Variants in ST6GALNAC3 observed in about 807,000 individuals in gnomAD.
ST6GALNAC3 encodes alpha-N-acetylgalactosaminide alpha-2,6-sialyltransferase 3.
A neutral mutation model predicts 32.7 loss-of-function variants in ST6GALNAC3; 25 were observed. That is an observed-to-expected ratio of 0.76 (90% CI 0.56 to 1.07). ST6GALNAC3 has a LOEUF of 1.07. Among genes scored for constraint, ST6GALNAC3 ranks in the 50% least tolerant of loss-of-function variants. The pLI, the probability that ST6GALNAC3 is intolerant of heterozygous loss-of-function variation, is 0.00. For missense variants in ST6GALNAC3, 355 were observed against 382.4 expected (o/e 0.93, Z 0.60); for synonymous variants, 129 against 133.1 (o/e 0.97, Z 0.21).
chr1:76,254,771 C>A (rs745434166), intron 1 of ST6GALNAC3, among the ~76,000 whole-genome samples: 1 of 152,008 alleles, frequency 6.6e-6, no homozygotes, highest in Admixed American at 6.6e-5. Flanking sequence ...GCTTACAGAT[C>A]TAATTGGCTT....
At chr1:76,147,238 T>C (rs961492190) in intron 1 of ST6GALNAC3, among the ~76,000 whole-genome samples, 1 of 151,938 alleles carries the variant, frequency 6.6e-6, no homozygotes, top group Non-Finnish European at 1.5e-5. Context: ...AATTTTTGTA[T>C]TTTTAGTAGA....
At chr1:76,515,268 T>C (rs1391193639) in intron 3 of ST6GALNAC3, among the ~76,000 whole-genome samples, 3 of 152,200 alleles carry the variant, frequency 2.0e-5, no homozygotes, top group Admixed American at 1.3e-4. Context: ...TTCTGTGATG[T>C]CAGTTGTAGT....
chr1:76,135,668 G>A (rs961116900), intron 1 of ST6GALNAC3, among the ~76,000 whole-genome samples: 1 of 152,144 alleles, frequency 6.6e-6, no homozygotes, highest in Admixed American at 6.5e-5. Flanking sequence ...GACGCAAATC[G>A]AACATCAGGT....
intron 3 of ST6GALNAC3, among the ~76,000 whole-genome samples, chr1:76,508,506 A>G (rs1341187065): frequency 6.6e-6 from 1 of 152,128 alleles, no homozygotes; most frequent in Admixed American, 6.5e-5. Context: ...TCTGCACAGA[A>G]AGACCTAGGA....
chr1:76,575,974 C>T (rs893600288), intron 3 of ST6GALNAC3, among the ~76,000 whole-genome samples: 14 of 151,890 alleles, frequency 9.2e-5, no homozygotes, highest in African/African-American at 3.4e-4. Flanking sequence ...ATCTTGGAAC[C>T]AATAGAAAGC....
chr1:76,577,500 A>G (rs1646829912), intron 3 of ST6GALNAC3, among the ~76,000 whole-genome samples: 1 of 152,020 alleles, frequency 6.6e-6, no homozygotes, highest in Non-Finnish European at 1.5e-5. Flanking sequence ...AAATCATGTC[A>G]TAAAAACATT....
chr1:76,591,970 T>G (rs1647055068), intron 3 of ST6GALNAC3, among the ~76,000 whole-genome samples: 2 of 152,112 alleles, frequency 1.3e-5, no homozygotes, highest in African/African-American at 4.8e-5. Context: ...GGATCAAACA[T>G]AGCATGCAAG....
intron 3 of ST6GALNAC3, among the ~76,000 whole-genome samples, chr1:76,539,364 C>A (rs1400508849): frequency 6.6e-6 from 1 of 152,110 alleles, no homozygotes; most frequent in Non-Finnish European, 1.5e-5. Flanking sequence ...CAAAAATTAA[C>A]TCAAGATGGA....
At chr1:76,086,074 G>T (rs1646960726) in intron 1 of ST6GALNAC3, among the ~76,000 whole-genome samples, 1 of 152,132 alleles carries the variant, frequency 6.6e-6, no homozygotes, top group East Asian at 1.9e-4. Flanking sequence ...ACTTGTGTCT[G>T]GAAAAATCAG....
chr1:76,550,405 T>C (rs956309581), intron 3 of ST6GALNAC3, among the ~76,000 whole-genome samples: 10 of 152,236 alleles, frequency 6.6e-5, no homozygotes, highest in Admixed American at 3.3e-4. Flanking sequence ...AGCAGCATTA[T>C]TGAATGCTTC....
intron 3 of ST6GALNAC3, among the ~76,000 whole-genome samples, chr1:76,484,027 G>C (rs1045767511): frequency 3.9e-5 from 6 of 152,072 alleles, no homozygotes; most frequent in Non-Finnish European, 8.8e-5. Context: ...AGATCAGATG[G>C]TTGTAAATGT....
intron 2 of ST6GALNAC3, among the ~76,000 whole-genome samples, chr1:76,362,293 A>C (rs1210376794): frequency 6.6e-6 from 1 of 152,116 alleles, no homozygotes; most frequent in Non-Finnish European, 1.5e-5. Context: ...TTCAGGAGAA[A>C]CTGCTCCCAT....
chr1:76,301,638 A>G (rs1660730146), intron 1 of ST6GALNAC3, among the ~76,000 whole-genome samples: 1 of 151,966 alleles, frequency 6.6e-6, no homozygotes, highest in Non-Finnish European at 1.5e-5. Flanking sequence ...GTGCTGTAGC[A>G]AAACTCTGCT....
intron 2 of ST6GALNAC3, among the ~76,000 whole-genome samples, chr1:76,345,538 A>G (rs1250091296): frequency 6.6e-6 from 1 of 152,212 alleles, no homozygotes; most frequent in Non-Finnish European, 1.5e-5. Context: ...CTACCACAGT[A>G]TAGCAGCTCT....
intron 3 of ST6GALNAC3, among the ~76,000 whole-genome samples, chr1:76,518,939 C>T (rs1444474412): frequency 2.0e-5 from 3 of 152,004 alleles, no homozygotes; most frequent in South Asian, 2.1e-4. Flanking sequence ...TTGTGATGCA[C>T]GCCTATAGCC....
rs150715368 is a variant in ST6GALNAC3 at position 76,587,680 on chromosome 1, C to A, written c.624-39772C>A. On this transcript the variant is annotated intron_variant, in intron 3 of 4. Coordinates refer to ENST00000328299, the MANE Select transcript of ST6GALNAC3 (RefSeq NM_152996.4). ...AAATATGATAATCCAGGAAAAGCAT[C>A]CCGTCAAGTTCTGGGCACGTAATGG... 4.9e-4 allele frequency among the ~76,000 whole-genome samples: 75 copies of A among 152,282 alleles called. 1 individual carries two copies. Among genetic ancestry groups the A allele is most frequent in the African/African-American group, 1.7e-3 (72 of 41,560 alleles).
At chr1:76,521,944 C>T (rs1167347537) in intron 3 of ST6GALNAC3, among the ~76,000 whole-genome samples, 1 of 152,036 alleles carries the variant, frequency 6.6e-6, no homozygotes, top group Non-Finnish European at 1.5e-5. Context: ...TGGCATGCAC[C>T]TGTAGTCCCA....
At chr1:76,627,608 G>T (rs370361375) in intron 4 of ST6GALNAC3, 49 bp downstream of exon 4, 1 of 1,297,234 alleles carries the variant, frequency 7.7e-7, no homozygotes, top group East Asian at 2.3e-5. Flanking sequence ...CGGAGATCTT[G>T]TCAAAATATC....
chr1:76,570,768 CTTCAT>C (rs1265647038), intron 3 of ST6GALNAC3, among the ~76,000 whole-genome samples: 2 of 151,760 alleles, frequency 1.3e-5, no homozygotes, highest in African/African-American at 2.4e-5. Context: ...GTTGTTCTTT[CTTCAT>C]TTCCTTTCTT....
Sources: gnomAD v4.1 joint callset for allele counts (sites outside exome capture counted in the v4.1 genomes callset) on GRCh38, gnomAD v4.1.1 for gene constraint, MANE v1.5 for transcripts, NCBI Gene and HGNC (gene_info 2026-07-23, HGNC 2026-07-21) for gene names.